The following PIP4K2A variants were observed in gnomAD, a reference collection of about 807,000 sequenced individuals.
PIP4K2A encodes the protein phosphatidylinositol-5-phosphate 4-kinase type 2 alpha, also known as phosphatidylinositol 5-phosphate 4-kinase type-2 alpha.
PIP4K2A carries 14 observed loss-of-function variants against 42.9 expected under a neutral mutation model. That is an observed-to-expected ratio of 0.33 (90% CI 0.22 to 0.51). The LOEUF (loss-of-function observed/expected upper bound fraction) is 0.51, where lower values mean the gene tolerates loss of function less well. Among genes scored for constraint, PIP4K2A ranks in the 20% least tolerant of loss-of-function variants. The pLI is 0.97. For missense variants in PIP4K2A, 434 were observed against 519.8 expected, an observed-to-expected ratio of 0.83 and a Z score of 1.61; for synonymous variants, 192 against 192.2, an observed-to-expected ratio of 1.00 and a Z score of 0.01.
intron 1 of PIP4K2A, among the ~76,000 whole-genome samples, chr10:22,644,007 T>C (rs906355962): frequency 6.6e-6 from 1 of 152,026 alleles, no homozygotes; most frequent in Admixed American, 6.6e-5. Context: ...AGCCCTAATC[T>C]CTCCACTGAA....
At chr10:22,636,661 A>T (rs1200740752) in intron 1 of PIP4K2A, among the ~76,000 whole-genome samples, 1 of 152,254 alleles carries the variant, frequency 6.6e-6, no homozygotes, top group Non-Finnish European at 1.5e-5. Flanking sequence ...GAATAGAGAC[A>T]TGTCCTTCAA....
chr10:22,654,997 T>C (rs1366774215), intron 1 of PIP4K2A, among the ~76,000 whole-genome samples: 1 of 151,934 alleles, frequency 6.6e-6, no homozygotes, highest in African/African-American at 2.4e-5. Context: ...ATCCCTACTT[T>C]AGAAGGCCAA....
chr10:22,614,016 A>G (rs1484620190), intron 1 of PIP4K2A, among the ~76,000 whole-genome samples: 1 of 152,250 alleles, frequency 6.6e-6, no homozygotes, highest in Non-Finnish European at 1.5e-5. Flanking sequence ...GCCAGACAAC[A>G]AGTGCCACAG....
intron 1 of PIP4K2A, among the ~76,000 whole-genome samples, chr10:22,668,419 T>G (rs1839389700): frequency 6.6e-6 from 1 of 151,580 alleles, no homozygotes; most frequent in African/African-American, 2.4e-5. Flanking sequence ...TAGCACAGTG[T>G]TTTTTTTGTT....
At chr10:22,594,995 T>G (rs1261245972) in intron 3 of PIP4K2A, among the ~76,000 whole-genome samples, 2 of 152,176 alleles carry the variant, frequency 1.3e-5, no homozygotes, top group African/African-American at 4.8e-5. Flanking sequence ...AAATAACCAA[T>G]GAAGTTAGGA....
intron 1 of PIP4K2A, among the ~76,000 whole-genome samples, chr10:22,623,432 A>G (rs1403980431): frequency 6.6e-6 from 1 of 152,200 alleles, no homozygotes; most frequent in Non-Finnish European, 1.5e-5. Flanking sequence ...GGTCTTCCAC[A>G]AGGGCGGTGT....
At chr10:22,657,812 A>G (rs973163651) in intron 1 of PIP4K2A, among the ~76,000 whole-genome samples, 2 of 152,268 alleles carry the variant, frequency 1.3e-5, no homozygotes, top group Non-Finnish European at 2.9e-5. Context: ...ATGGAATTAG[A>G]GACAGTAAAT....
At chr10:22,706,223 T>G (rs1475856923) in intron 1 of PIP4K2A, among the ~76,000 whole-genome samples, 1 of 152,114 alleles carries the variant, frequency 6.6e-6, no homozygotes, top group African/African-American at 2.4e-5. Context: ...GGAGATTCTA[T>G]CTAATCCTCA....
intron 1 of PIP4K2A, among the ~76,000 whole-genome samples, chr10:22,670,565 A>G (rs1482084636): frequency 6.6e-6 from 1 of 152,172 alleles, no homozygotes; most frequent in Non-Finnish European, 1.5e-5. Flanking sequence ...CCAGGGGCTA[A>G]TAGTGCAATT....
rs1484013407 is a variant in PIP4K2A at position 22,535,292 on chromosome 10, G to T, written c.*1909C>A. ...AAACTGATCTGATGCCAGAATTAAT[G>T]GTGCAGGGAAAAACCAAATCATAGT... On this transcript the variant is annotated 3_prime_UTR_variant, in exon 10 of 10. Coordinates refer to ENST00000376573, the MANE Select transcript of PIP4K2A (RefSeq NM_005028.5). 2.6e-5 allele frequency: 4 copies of T among 152,186 alleles called. No homozygotes were observed. Among genetic ancestry groups the T allele is most frequent in the Non-Finnish European group, 4.4e-5 (3 of 68,026 alleles). 9.4% of individuals were successfully genotyped at this position (152,186 alleles called of 1,614,324 possible).
intron 9 of PIP4K2A, among the ~76,000 whole-genome samples, chr10:22,538,774 G>C (rs980599315): frequency 6.7e-6 from 1 of 150,348 alleles, no homozygotes; most frequent in African/African-American, 2.4e-5. Flanking sequence ...GAAGCCACCA[G>C]GCACACTTGC....
intron 1 of PIP4K2A, among the ~76,000 whole-genome samples, chr10:22,711,036 A>G (rs1437234997): frequency 1.3e-5 from 2 of 152,228 alleles, no homozygotes; most frequent in African/African-American, 4.8e-5. Context: ...TCTAAATGTA[A>G]CAAGACAAAA....
chr10:22,638,012 C>T (rs965983148), intron 1 of PIP4K2A, among the ~76,000 whole-genome samples: 3 of 152,160 alleles, frequency 2.0e-5, no homozygotes, highest in Admixed American at 6.5e-5. Flanking sequence ...ATACTGAGTG[C>T]CGCAATTCGA....
At position 22,600,391 on chromosome 10, in the gene PIP4K2A, G is replaced by GT. The variant is rs558557010; in HGVS notation, c.339+7535dup. On this transcript the variant is annotated intron_variant, in intron 3 of 9. Coordinates refer to ENST00000376573, the MANE Select transcript of PIP4K2A (RefSeq NM_005028.5). ...ACAGCCATCTCCTCACGGTGGCACA[G>GT]TAATAGATTTAGAGACCTGACAGCT... Among the ~76,000 whole-genome samples, 15 of 152,232 alleles carry GT rather than the reference G, an allele frequency of 9.9e-5. No individual in the cohort carries two copies. The East Asian group carries it at 2.5e-3, about 25-fold the overall frequency.
At chr10:22,697,436 C>T (rs1267500147) in intron 1 of PIP4K2A, among the ~76,000 whole-genome samples, 1 of 152,204 alleles carries the variant, frequency 6.6e-6, no homozygotes, top group Admixed American at 6.5e-5. Flanking sequence ...AAAAGCAAGG[C>T]TGGGTGTGGT....
chr10:22,619,147 A>G (rs1838253795), intron 1 of PIP4K2A, among the ~76,000 whole-genome samples: 1 of 152,106 alleles, frequency 6.6e-6, no homozygotes, highest in South Asian at 2.1e-4. Flanking sequence ...CAATGAATAT[A>G]GGTTGAAACA....
chr10:22,689,778 A>ATT (rs1839826116), intron 1 of PIP4K2A, among the ~76,000 whole-genome samples: 1 of 152,248 alleles, frequency 6.6e-6, no homozygotes, highest in African/African-American at 2.4e-5. Flanking sequence ...AAGTGGAAAC[A>ATT]TATGAGAACA....
At chr10:22,569,408 G>A (rs1047851598) in intron 5 of PIP4K2A, among the ~76,000 whole-genome samples, 4 of 152,210 alleles carry the variant, frequency 2.6e-5, no homozygotes, top group Non-Finnish European at 4.4e-5. Flanking sequence ...TACGACCACA[G>A]TCCGAGCCCC....
At chr10:22,547,802 G>A (rs545963849) in intron 7 of PIP4K2A, among the ~76,000 whole-genome samples, 2 of 152,194 alleles carry the variant, frequency 1.3e-5, no homozygotes, top group Admixed American at 6.5e-5. Context: ...ACACCGATCT[G>A]TGTGTGTGTT....
Sources: allele counts gnomAD v4.1 joint callset (sites outside exome capture counted in the v4.1 genomes callset), GRCh38; gene constraint gnomAD v4.1.1; transcripts MANE v1.5; gene names NCBI Gene and HGNC (gene_info 2026-07-23, HGNC 2026-07-21).